Variants in FHIP2A observed in about 807,000 individuals in gnomAD.
FHIP2A encodes the protein FHF complex subunit HOOK interacting protein 2A.
FHIP2A carries 46 observed loss-of-function variants against 93.5 expected under a neutral mutation model. The observed-to-expected ratio is 0.49, with a 90% CI of 0.39 to 0.63. The LOEUF is 0.63. Among genes scored for constraint, FHIP2A ranks in the 20% least tolerant of loss-of-function variants. The probability of loss-of-function intolerance (pLI) is 0.00; values close to 1 mark genes in which losing one functional copy is unlikely to be tolerated. For synonymous variants in FHIP2A, 332 were observed against 326.5 expected (o/e 1.02, Z -0.18); for missense variants, 769 against 909.7 (o/e 0.85, Z 1.99).
chr10:114,841,865 T>C (rs778002953), intron 5 of FHIP2A, among the ~76,000 whole-genome samples: 11 of 152,180 alleles, frequency 7.2e-5, no homozygotes, highest in Non-Finnish European at 1.3e-4. Context: ...GTAATCTGAT[T>C]TCTGCTCTTA....
chr10:114,875,934 GAAAGAA>G (rs2083886511), intron 16 of FHIP2A, among the ~76,000 whole-genome samples: 1 of 128,082 alleles, frequency 7.8e-6, no homozygotes, highest in Non-Finnish European at 1.7e-5. Context: ...GAAAGAAAGA[GAAAGAA>G]AAAGAACAGA....
At chr10:114,839,957 G>T (rs1166287192) in intron 5 of FHIP2A, among the ~76,000 whole-genome samples, 1 of 151,320 alleles carries the variant, frequency 6.6e-6, no homozygotes, top group Non-Finnish European at 1.5e-5. Flanking sequence ...GACAGTAAAT[G>T]AATGTTCAGA....
At chr10:114,835,501 T>C in intron 3 of FHIP2A, 36 bp from the exon 4 acceptor site, 1 of 1,286,648 alleles carries the variant, frequency 7.8e-7, no homozygotes, top group South Asian at 1.2e-5. Flanking sequence ...CATTGTCTGT[T>C]GTTTTCCTGT....
intron 13 of FHIP2A, 148 bp from the exon 14 acceptor site, chr10:114,855,049 C>A: frequency 1.4e-6 from 1 of 696,556 alleles, no homozygotes; most frequent in Non-Finnish European, 2.3e-6. Flanking sequence ...AGATCTGAGT[C>A]ATCTCTTCCC....
intron 16 of FHIP2A, among the ~76,000 whole-genome samples, chr10:114,882,574 G>A (rs997496495): frequency 2.0e-5 from 3 of 152,140 alleles, no homozygotes; most frequent in African/African-American, 4.8e-5. Context: ...ACCTGTCATC[G>A]CAATGTGGGA....
intron 1 of FHIP2A, among the ~76,000 whole-genome samples, chr10:114,827,572 C>T (rs1407385077): frequency 2.6e-5 from 4 of 152,042 alleles, no homozygotes; most frequent in Admixed American, 6.6e-5. Flanking sequence ...CCAAGGCGGG[C>T]GGATCATGAG....
intron 15 of FHIP2A, 40 bp from the exon 16 acceptor site, chr10:114,861,191 C>G (rs200539282): frequency 6.2e-7 from 1 of 1,608,488 alleles, no homozygotes; most frequent in Admixed American, 1.7e-5. Context: ...GTCTGTGTAG[C>G]TGATTTCAGG....
chr10:114,883,052 A>G (rs1394143928), intron 16 of FHIP2A, among the ~76,000 whole-genome samples: 1 of 152,136 alleles, frequency 6.6e-6, no homozygotes, highest in Non-Finnish European at 1.5e-5. Flanking sequence ...GATGCTGGGC[A>G]CTTAAAGAGC....
intron 16 of FHIP2A, among the ~76,000 whole-genome samples, chr10:114,888,095 C>T (rs1020786465): frequency 4.6e-5 from 7 of 152,168 alleles, no homozygotes; most frequent in East Asian, 1.9e-4. Flanking sequence ...TTCTGCTGGA[C>T]GACTCTGCTT....
chr10:114,835,875 C>T (rs530988646), intron 4 of FHIP2A, among the ~76,000 whole-genome samples: 3 of 152,148 alleles, frequency 2.0e-5, no homozygotes, highest in Admixed American at 6.5e-5. Context: ...TTGGATTTTA[C>T]TTCCATGACA....
chr10:114,841,640 C>A (rs2083669706), intron 5 of FHIP2A, among the ~76,000 whole-genome samples: 1 of 152,126 alleles, frequency 6.6e-6, no homozygotes, highest in South Asian at 2.1e-4. Flanking sequence ...TTCATTGAGT[C>A]CCATAGAGTT....
At chr10:114,854,939 G>A (rs1005046679) in intron 13 of FHIP2A, among the ~76,000 whole-genome samples, 1 of 152,206 alleles carries the variant, frequency 6.6e-6, no homozygotes, top group Non-Finnish European at 1.5e-5. Flanking sequence ...GGAAAGAGCT[G>A]TTAGGGGTAT....
chr10:114,822,664 G>A (rs1294369411), intron 1 of FHIP2A, among the ~76,000 whole-genome samples: 2 of 152,246 alleles, frequency 1.3e-5, no homozygotes, highest in Admixed American at 6.5e-5. Flanking sequence ...GGGAGCCGCC[G>A]ACCAGCCCCC....
Position 114,845,472 on chromosome 10 carries a change from A to G in FHIP2A, c.1119A>G (p.Glu373=), listed in dbSNP as rs1027115908. 4.4e-6 allele frequency: 7 copies of G among 1,602,150 alleles called. No individual in the cohort carries two copies. The highest frequency in any genetic ancestry group is 1.7e-5 in the Admixed American group (1 of 59,618). Reference sequence around the variant, plus strand: ...ATTATTGTGATCAGCTCATTAAGGAAGCCCAAAAGGTTTGTAATTTTTTAT... The same window carrying G: ...ATTATTGTGATCAGCTCATTAAGGAGGCCCAAAAGGTTTGTAATTTTTTAT... ...WFDYCDQLIK[E]AQKTAAVALA... Residue 373 remains glutamate, a synonymous_variant, in exon 8 of 17, where the codon GAA becomes GAG. Coordinates refer to ENST00000369248, the MANE Select transcript of FHIP2A (RefSeq NM_020940.4).
chr10:114,829,349 T>C (rs992958211), intron 1 of FHIP2A, among the ~76,000 whole-genome samples: 1 of 151,976 alleles, frequency 6.6e-6, no homozygotes, highest in Non-Finnish European at 1.5e-5. Context: ...GGGAAAGGGG[T>C]GGGCCATTCT....
At chr10:114,834,901 A>T (rs570504654) in intron 3 of FHIP2A, among the ~76,000 whole-genome samples, 4 of 152,304 alleles carry the variant, frequency 2.6e-5, no homozygotes, top group African/African-American at 9.6e-5. Flanking sequence ...CAGGATGCAA[A>T]ACCTGTCTAT....
chr10:114,842,415 T>G (rs2083674211), intron 5 of FHIP2A, among the ~76,000 whole-genome samples: 1 of 152,134 alleles, frequency 6.6e-6, no homozygotes. Flanking sequence ...GAAAAGATGC[T>G]TATATATTTG....
At chr10:114,840,736 G>C (rs776015578) in intron 5 of FHIP2A, among the ~76,000 whole-genome samples, 5 of 152,178 alleles carry the variant, frequency 3.3e-5, no homozygotes, top group African/African-American at 1.2e-4. Flanking sequence ...AACCAATAAG[G>C]CTGCTGCTAG....
At chr10:114,839,873 C>A (rs1249311115) in intron 5 of FHIP2A, among the ~76,000 whole-genome samples, 2 of 114,590 alleles carry the variant, frequency 1.7e-5, no homozygotes, top group East Asian at 4.6e-4. Flanking sequence ...CAGAGCGAGA[C>A]TCTGTCTCAA....
Sources: gnomAD v4.1 joint callset for allele counts (sites outside exome capture counted in the v4.1 genomes callset) on GRCh38, gnomAD v4.1.1 for gene constraint, MANE v1.5 for transcripts, NCBI Gene and HGNC (gene_info 2026-07-23, HGNC 2026-07-21) for gene names.